NMNAT3: variants seen among roughly 807,000 people sequenced by gnomAD.
The protein encoded by NMNAT3 is nicotinamide nucleotide adenylyltransferase 3.
In NMNAT3, 21 loss-of-function variants were observed where a neutral mutation model predicts 24.8. That is an observed-to-expected ratio of 0.85 (90% CI 0.60 to 1.22). The LOEUF is 1.22. Among genes scored for constraint, NMNAT3 ranks in the 50% most tolerant of loss-of-function variants. NMNAT3 has a pLI of 0.00. For missense variants in NMNAT3, 387 were observed against 436.6 expected, an observed-to-expected ratio of 0.89 and a Z score of 1.01; for synonymous variants, 136 against 155.2, an observed-to-expected ratio of 0.88 and a Z score of 0.92.
At chr3:139,626,761 A>G (rs2056068179) in intron 3 of NMNAT3, among the ~76,000 whole-genome samples, 1 of 152,134 alleles carries the variant, frequency 6.6e-6, no homozygotes, top group Non-Finnish European at 1.5e-5. Context: ...TTTAAAATGA[A>G]CTAATACTTG....
At chr3:139,645,465 T>C (rs2056840597) in intron 1 of NMNAT3, among the ~76,000 whole-genome samples, 1 of 152,160 alleles carries the variant, frequency 6.6e-6, no homozygotes, top group East Asian at 1.9e-4. Flanking sequence ...AGCTCTGATG[T>C]CACCAATTTG....
upstream of NMNAT3, chr3:139,677,995 G>A (rs2057990594): frequency 6.6e-6 from 1 of 151,878 alleles, no homozygotes; most frequent in Admixed American, 6.6e-5. Context: ...TCTGCGCCCC[G>A]CCCCTTCGCT....
chr3:139,593,565 A>G (rs1162372872), intron 3 of NMNAT3, among the ~76,000 whole-genome samples: 1 of 152,172 alleles, frequency 6.6e-6, no homozygotes, highest in Non-Finnish European at 1.5e-5. Context: ...TTGGAAGTAA[A>G]GCACTCCTCA....
At chr3:139,608,013 C>T (rs2055021860) in intron 3 of NMNAT3, among the ~76,000 whole-genome samples, 1 of 152,214 alleles carries the variant, frequency 6.6e-6, no homozygotes, top group South Asian at 2.1e-4. Context: ...AATTTTACCT[C>T]ACTCTGTTTT....
At chr3:139,659,807 C>G (rs1428844616) in intron 1 of NMNAT3, among the ~76,000 whole-genome samples, 1 of 152,214 alleles carries the variant, frequency 6.6e-6, no homozygotes, top group Admixed American at 6.5e-5. Context: ...TTTAAAACTC[C>G]CCAGGTGATT....
chr3:139,652,439 G>T (rs2108392725), intron 1 of NMNAT3, among the ~76,000 whole-genome samples: 1 of 152,302 alleles, frequency 6.6e-6, no homozygotes, highest in Admixed American at 6.5e-5. Flanking sequence ...TTAGAGAACT[G>T]AACTTGTTTG....
At chr3:139,662,374 G>T (rs181145215) in intron 1 of NMNAT3, among the ~76,000 whole-genome samples, 1 of 152,214 alleles carries the variant, frequency 6.6e-6, no homozygotes, top group East Asian at 1.9e-4. Flanking sequence ...GTAATATGGG[G>T]GAGAAAGACC....
chr3:139,562,635 G>A (rs1451979659), intron 6 of NMNAT3, among the ~76,000 whole-genome samples: 1 of 152,222 alleles, frequency 6.6e-6, no homozygotes, highest in East Asian at 1.9e-4. Context: ...GTGGACCAGA[G>A]AGATGAGTTC....
intron 3 of NMNAT3, among the ~76,000 whole-genome samples, chr3:139,616,774 C>CTG (rs370760725): frequency 8.6e-5 from 13 of 151,994 alleles, no homozygotes; most frequent in Middle Eastern, 6.8e-3. Context: ...TTCTCTCTCT[C>CTG]TGTGTGTGTG....
intron 3 of NMNAT3, among the ~76,000 whole-genome samples, chr3:139,600,035 A>T (rs1031459672): frequency 1.3e-5 from 2 of 152,140 alleles, no homozygotes; most frequent in African/African-American, 4.8e-5. Flanking sequence ...CCCTTGGAAT[A>T]TGTGCTCTTC....
chr3:139,588,976 C>G (rs1256083151), intron 3 of NMNAT3, among the ~76,000 whole-genome samples: 1 of 152,166 alleles, frequency 6.6e-6, no homozygotes. Context: ...GCTTTACATT[C>G]ACATCCAGAG....
intron 3 of NMNAT3, among the ~76,000 whole-genome samples, chr3:139,585,179 T>C (rs13095810): frequency 3.3e-5 from 5 of 152,222 alleles, no homozygotes; most frequent in Non-Finnish European, 7.3e-5. Flanking sequence ...TTGGCAATTG[T>C]GGGGTGTTGA....
intron 3 of NMNAT3, among the ~76,000 whole-genome samples, chr3:139,601,792 C>T (rs1321791982): frequency 6.6e-6 from 1 of 152,058 alleles, no homozygotes; most frequent in Non-Finnish European, 1.5e-5. Flanking sequence ...GTGTCAGGAG[C>T]CCGAAAGAAG....
chr3:139,675,053 G>A (rs1240292011), intron 1 of NMNAT3, among the ~76,000 whole-genome samples: 3 of 151,870 alleles, frequency 2.0e-5, no homozygotes, highest in Non-Finnish European at 4.4e-5. Flanking sequence ...ACTAAGCTGC[G>A]ACATACATGA....
chr3:139,592,798 C>G (rs963809916), intron 3 of NMNAT3, among the ~76,000 whole-genome samples: 19 of 152,102 alleles, frequency 1.2e-4, no homozygotes, highest in Admixed American at 6.5e-5. Context: ...CAGGCCTGCC[C>G]TAAAAGAGCT....
intron 1 of NMNAT3, among the ~76,000 whole-genome samples, chr3:139,672,046 A>G (rs1432444288): frequency 1.3e-5 from 2 of 152,208 alleles, no homozygotes; most frequent in African/African-American, 4.8e-5. Context: ...AGCCTGGCTG[A>G]TATCAGGGCT....
rs75431106 is a variant in NMNAT3 at position 139,573,493 on chromosome 3, G to A, written c.658+105C>T. ...CTTAAATTCCTTATCTGTGCCCAGA[G>A]GGTTGGACTCAAGTCCTCTGCAGCT... On this transcript the variant is annotated intron_variant, in intron 6 of 6. Coordinates refer to ENST00000643695, the MANE Select transcript of NMNAT3 (RefSeq NM_001320510.2). 553 of 508,004 alleles carry A rather than the reference G, an allele frequency of 1.1e-3. 3 individuals carry two copies. The highest frequency in any genetic ancestry group is 0.01 in the African/African-American group (517 of 50,948). The allele number at this position is 508,004 out of a possible 1,614,324, so 31.5% of individuals were successfully genotyped here.
chr3:139,599,338 T>C, intron 3 of NMNAT3: 1 of 702,516 alleles, frequency 1.4e-6, no homozygotes, highest in Non-Finnish European at 2.6e-6. Context: ...TGGGAGAAGC[T>C]TGGTGTTTCT....
intron 2 of NMNAT3, 113 bp from the exon 3 acceptor site, chr3:139,634,760 A>G (rs1287823877): frequency 1.3e-5 from 2 of 152,226 alleles, no homozygotes; most frequent in Admixed American, 6.5e-5. Context: ...GAAGGAGCAC[A>G]AGGCGTGGAA....
Sources: gnomAD v4.1 joint callset for allele counts (sites outside exome capture counted in the v4.1 genomes callset) on GRCh38, gnomAD v4.1.1 for gene constraint, MANE v1.5 for transcripts, NCBI Gene and HGNC (gene_info 2026-07-23, HGNC 2026-07-21) for gene names.